Variants in MYO1D observed in about 807,000 individuals in gnomAD.
MYO1D encodes the protein myosin ID, also known as unconventional myosin-Id.
MYO1D carries 83 observed loss-of-function variants against 122.0 expected under a neutral mutation model. That is an observed-to-expected ratio of 0.68 (90% CI 0.57 to 0.82). MYO1D has a LOEUF of 0.82. Ranked by LOEUF, MYO1D falls within the 40% of genes least tolerant of loss-of-function variation. The pLI is 0.00. For missense variants in MYO1D, 1,157 were observed against 1,269.5 expected (o/e 0.91, Z 1.35); for synonymous variants, 464 against 446.9 (o/e 1.04, Z -0.48).
intron 20 of MYO1D, among the ~76,000 whole-genome samples, chr17:32,626,909 T>C (rs2087935196): frequency 6.6e-6 from 1 of 152,184 alleles, no homozygotes; most frequent in Admixed American, 6.5e-5. Context: ...AAAGAAATTA[T>C]AAGAGGCGGG....
At chr17:32,653,735 G>T in intron 19 of MYO1D, 108 bp downstream of exon 19, 3 of 850,848 alleles carry the variant, frequency 3.5e-6, no homozygotes, top group East Asian at 2.9e-5. Flanking sequence ...AACTGATGAT[G>T]AAGCTAGTTA....
intron 21 of MYO1D, among the ~76,000 whole-genome samples, chr17:32,566,049 T>C (rs988470054): frequency 6.6e-6 from 1 of 152,200 alleles, no homozygotes; most frequent in East Asian, 1.9e-4. Context: ...CTAGCTAAGA[T>C]TGAATATATG....
intron 14 of MYO1D, among the ~76,000 whole-genome samples, chr17:32,724,624 G>A (rs915898235): frequency 6.6e-6 from 1 of 152,148 alleles, no homozygotes; most frequent in Non-Finnish European, 1.5e-5. Flanking sequence ...GATTCTGGCA[G>A]CTTCATGGGC....
chr17:32,522,832 T>A (rs1910196021), intron 21 of MYO1D, among the ~76,000 whole-genome samples: 1 of 151,636 alleles, frequency 6.6e-6, no homozygotes, highest in Non-Finnish European at 1.5e-5. Flanking sequence ...TTTTTTTTTT[T>A]TTGAGATGGA....
chr17:32,603,860 C>G (rs1482708755), intron 21 of MYO1D, among the ~76,000 whole-genome samples: 1 of 152,090 alleles, frequency 6.6e-6, no homozygotes, highest in Non-Finnish European at 1.5e-5. Context: ...CTTAGCTTTA[C>G]ATTTATTTGG....
intron 8 of MYO1D, among the ~76,000 whole-genome samples, chr17:32,761,436 T>TAAC (rs1400434926): frequency 6.6e-6 from 1 of 152,186 alleles, no homozygotes; most frequent in African/African-American, 2.4e-5. Flanking sequence ...AACCTAGGTT[T>TAAC]TCACTGCCTT....
intron 21 of MYO1D, among the ~76,000 whole-genome samples, chr17:32,532,298 G>T (rs112105120): frequency 0.02 from 3,101 of 152,232 alleles, 124 homozygotes; most frequent in African/African-American, 0.072. Flanking sequence ...TATATCTGCC[G>T]CCTCAAGCAG....
chr17:32,824,940 C>G (rs73283755), intron 1 of MYO1D, among the ~76,000 whole-genome samples: 5,766 of 151,996 alleles, frequency 0.038, 360 homozygotes, highest in African/African-American at 0.13. Flanking sequence ...GAGTAGAATT[C>G]GTGGAGGAGA....
intron 16 of MYO1D, among the ~76,000 whole-genome samples, chr17:32,677,236 T>C (rs2088824863): frequency 6.6e-6 from 1 of 152,216 alleles, no homozygotes; most frequent in South Asian, 2.1e-4. Flanking sequence ...AATTAATTTA[T>C]GTTTTTGTTA....
chr17:32,551,894 C>A (rs2150884664), intron 21 of MYO1D, among the ~76,000 whole-genome samples: 1 of 152,306 alleles, frequency 6.6e-6, no homozygotes, highest in South Asian at 2.1e-4. Context: ...CAGTGGCTAT[C>A]TGCTTTGTCC....
intron 1 of MYO1D, among the ~76,000 whole-genome samples, chr17:32,827,604 A>G (rs1160446289): frequency 6.6e-6 from 1 of 152,204 alleles, no homozygotes; most frequent in Non-Finnish European, 1.5e-5. Context: ...ATTAATAAGC[A>G]TTTTGTAAAA....
intron 16 of MYO1D, chr17:32,686,628 G>A (rs2089011142): frequency 6.6e-6 from 1 of 152,212 alleles, no homozygotes; most frequent in Non-Finnish European, 1.5e-5. Context: ...TACTTTGGGA[G>A]GCTGAGACAG....
chr17:32,599,154 TC>T (rs1195969243), intron 21 of MYO1D, among the ~76,000 whole-genome samples: 1 of 152,242 alleles, frequency 6.6e-6, no homozygotes, highest in Non-Finnish European at 1.5e-5. Context: ...AGGATGTCTT[TC>T]AAAATTGGAG....
intron 10 of MYO1D, 81 bp downstream of exon 10, chr17:32,760,209 C>A (rs2089985294): frequency 1.7e-6 from 2 of 1,197,100 alleles, no homozygotes; most frequent in South Asian, 2.5e-5. Flanking sequence ...CCCAAAAGAT[C>A]AAGAAATACC....
chr17:32,763,987 G>A (rs999509747), intron 8 of MYO1D, among the ~76,000 whole-genome samples: 1 of 152,124 alleles, frequency 6.6e-6, no homozygotes, highest in African/African-American at 2.4e-5. Context: ...CCATCCAGCT[G>A]AAACAAAAGC....
intron 1 of MYO1D, among the ~76,000 whole-genome samples, chr17:32,817,627 A>T (rs1293842858): frequency 6.6e-6 from 1 of 152,072 alleles, no homozygotes; most frequent in African/African-American, 2.4e-5. Flanking sequence ...AGGATCCAGT[A>T]GAGGTTGATG....
chr17:32,674,147 G>A (rs1364135851), intron 16 of MYO1D, among the ~76,000 whole-genome samples: 1 of 152,184 alleles, frequency 6.6e-6, no homozygotes, highest in Non-Finnish European at 1.5e-5. Flanking sequence ...ACAGCTCCTT[G>A]ACTGGCACTG....
chr17:32,561,779 G>C (rs2087128730), intron 21 of MYO1D, among the ~76,000 whole-genome samples: 1 of 151,380 alleles, frequency 6.6e-6, no homozygotes, highest in Admixed American at 6.6e-5. Flanking sequence ...ATCATCTAGA[G>C]AGAGAACCAC....
chr17:32,524,810 C>A (rs577609871), intron 21 of MYO1D, among the ~76,000 whole-genome samples: 3 of 152,120 alleles, frequency 2.0e-5, no homozygotes, highest in Non-Finnish European at 2.9e-5. Context: ...ATTCACCCAC[C>A]TTGGCCTCCC....
Sources: gnomAD v4.1 joint callset for allele counts (sites outside exome capture counted in the v4.1 genomes callset) on GRCh38, gnomAD v4.1.1 for gene constraint, MANE v1.5 for transcripts, NCBI Gene and HGNC (gene_info 2026-07-23, HGNC 2026-07-21) for gene names.